Variants in ABCA10 observed in about 807,000 individuals in gnomAD.
ABCA10 encodes the protein ATP binding cassette subfamily A member 10.
ABCA10 carries 169 observed loss-of-function variants against 187.5 expected under a neutral mutation model. That is an observed-to-expected ratio of 0.90 (90% CI 0.80 to 1.02). The LOEUF is 1.02. Ranked by LOEUF, ABCA10 falls within the 50% of genes least tolerant of loss-of-function variation. ABCA10 has a pLI of 0.00. For missense variants in ABCA10, 1,727 were observed against 1,812.4 expected, an observed-to-expected ratio of 0.95 and a Z score of 0.86; for synonymous variants, 574 against 601.8, an observed-to-expected ratio of 0.95 and a Z score of 0.68.
intron 27 of ABCA10, among the ~76,000 whole-genome samples, chr17:69,157,264 G>A (rs575046662): frequency 1.3e-5 from 2 of 152,264 alleles, no homozygotes; most frequent in South Asian, 4.1e-4. Flanking sequence ...TTGTCCTAGA[G>A]TTATTCTTTA....
intron 11 of ABCA10, among the ~76,000 whole-genome samples, chr17:69,195,554 CTTTTT>C (rs59069489): frequency 3.9e-5 from 4 of 102,952 alleles, no homozygotes; most frequent in Admixed American, 3.4e-4. Flanking sequence ...TGAAGTTTTT[CTTTTT>C]TTTTTTTTTT....
chr17:69,241,406 C>A (rs1203063803), intron 1 of ABCA10, among the ~76,000 whole-genome samples: 1 of 152,202 alleles, frequency 6.6e-6, no homozygotes. Flanking sequence ...TTATTTTCAA[C>A]ACAGCAGCTA....
chr17:69,207,766 G>C (rs138700069), intron 9 of ABCA10, among the ~76,000 whole-genome samples: 1 of 152,290 alleles, frequency 6.6e-6, no homozygotes, highest in East Asian at 1.9e-4. Flanking sequence ...GGTGGAGAGA[G>C]AGCAGGGATT....
At chr17:69,191,442 T>C in intron 16 of ABCA10, 127 bp from the exon 17 acceptor site, 1 of 995,294 alleles carries the variant, frequency 1.0e-6, no homozygotes, top group Non-Finnish European at 1.3e-6. Context: ...TAGTAATTGG[T>C]TCCTGCAAAT....
chr17:69,239,292 C>T (rs1459941880), intron 1 of ABCA10, among the ~76,000 whole-genome samples: 1 of 152,108 alleles, frequency 6.6e-6, no homozygotes, highest in Non-Finnish European at 1.5e-5. Context: ...AAGACAGAGG[C>T]CTTATCCTTC....
chr17:69,224,149 T>C (rs1212155922), intron 3 of ABCA10, among the ~76,000 whole-genome samples: 1 of 152,068 alleles, frequency 6.6e-6, no homozygotes, highest in Non-Finnish European at 1.5e-5. Context: ...GGGATAACAA[T>C]ACCCATTCGA....
At chr17:69,170,235 C>A (rs1306551276) in intron 25 of ABCA10, among the ~76,000 whole-genome samples, 7 of 150,982 alleles carry the variant, frequency 4.6e-5, no homozygotes, top group African/African-American at 1.7e-4. Flanking sequence ...TTGCAGTGAG[C>A]CAAGATCGCC....
intron 25 of ABCA10, among the ~76,000 whole-genome samples, chr17:69,173,347 G>C (rs535642164): frequency 4.6e-5 from 7 of 152,252 alleles, no homozygotes; most frequent in African/African-American, 1.7e-4. Flanking sequence ...GGTTGTGTTT[G>C]TGATATTCCT....
chr17:69,241,619 T>C (rs1373150955), intron 1 of ABCA10, among the ~76,000 whole-genome samples: 1 of 152,212 alleles, frequency 6.6e-6, no homozygotes, highest in Non-Finnish European at 1.5e-5. Context: ...CTCAGGGCCT[T>C]TGTACTTGCA....
chr17:69,242,003 T>C (rs2074905602), intron 1 of ABCA10, among the ~76,000 whole-genome samples: 1 of 152,222 alleles, frequency 6.6e-6, no homozygotes, highest in Non-Finnish European at 1.5e-5. Flanking sequence ...GGATGCCTAC[T>C]TACTAAAGAA....
intron 3 of ABCA10, among the ~76,000 whole-genome samples, chr17:69,224,558 T>C (rs2074777674): frequency 6.6e-6 from 1 of 152,104 alleles, no homozygotes; most frequent in Non-Finnish European, 1.5e-5. Context: ...GGCAAAGGTC[T>C]CACATAGTAA....
chr17:69,153,441 G>A (rs1248928533), intron 33 of ABCA10, 30 bp downstream of exon 33: 2 of 1,613,920 alleles, frequency 1.2e-6, no homozygotes, highest in African/African-American at 2.7e-5. Context: ...AGCCATGGGT[G>A]CACAGGGAAA....
At chr17:69,182,327 TTATAG>T (rs1336786653) in intron 21 of ABCA10, 37 bp from the exon 22 acceptor site, 7 of 1,334,178 alleles carry the variant, frequency 5.2e-6, no homozygotes, top group Non-Finnish European at 6.9e-6. Flanking sequence ...TTATAAATTC[TTATAG>T]TAAATATATT....
At chr17:69,214,071 G>A (rs922406974) in intron 9 of ABCA10, among the ~76,000 whole-genome samples, 1 of 152,046 alleles carries the variant, frequency 6.6e-6, no homozygotes, top group African/African-American at 2.4e-5. Context: ...TTCAATTTAG[G>A]CACTAAAAAG....
rs751253062 is a variant in ABCA10, at chr17:69,155,883, C to CT, written c.3497dup (p.Pro1167AlafsTer6). ...GAACATCTTCATCTTCTTCTTCGGG[C>CT]TCTTCCGGATTGGGATGAGTTTCTC... On this transcript the variant is annotated frameshift_variant, in exon 29 of 39. Coordinates refer to ENST00000690296, the MANE Select transcript of ABCA10 (RefSeq NM_001377321.1). LOFTEE classifies it high-confidence loss of function. 8 of 1,613,720 alleles carry CT rather than the reference C, an allele frequency of 5.0e-6. No individual in the cohort carries two copies. The highest frequency in any genetic ancestry group is 6.8e-6 in the Non-Finnish European group (8 of 1,179,760).
At chr17:69,243,439 T>G (rs974369882) in intron 1 of ABCA10, among the ~76,000 whole-genome samples, 1 of 152,184 alleles carries the variant, frequency 6.6e-6, no homozygotes, top group Non-Finnish European at 1.5e-5. Flanking sequence ...TAGTAAATAT[T>G]TGTGTACATA....
At position 69,201,486 on chromosome 17, in the gene ABCA10, A is replaced by G; in HGVS notation, c.1175+14T>C. ...TACCTATAAGTGTACATAGTCATGT[A>G]ATTTCTTAGTTACCTTATGGCTTCT... On this transcript the variant is annotated intron_variant, in intron 10 of 38. Transcript: ENST00000690296. The G allele has an allele frequency of 6.4e-7, 1 of 1,558,028 alleles. No homozygotes were observed. Among genetic ancestry groups the G allele is most frequent in the Admixed American group, 2.1e-5 (1 of 48,320 alleles).
intron 3 of ABCA10, among the ~76,000 whole-genome samples, chr17:69,224,457 T>C (rs1489189671): frequency 2.0e-5 from 3 of 152,126 alleles, no homozygotes; most frequent in African/African-American, 7.2e-5. Flanking sequence ...ACTTTCCCTA[T>C]GCAGGAGCAA....
rs753462878 is a variant in ABCA10, at chr17:69,153,461, T to C, written c.4041+10A>G. On this transcript the variant is annotated intron_variant, in intron 33 of 38. Coordinates refer to ENST00000690296, the MANE Select transcript of ABCA10 (RefSeq NM_001377321.1). ...TGGGTGCACAGGGAAACCCCGAGCCTGGCCCATACCTTTCTCTTTATTCCC... is the reference window on the plus strand; with the variant it reads ...TGGGTGCACAGGGAAACCCCGAGCCCGGCCCATACCTTTCTCTTTATTCCC... 134 of 1,613,990 alleles carry C rather than the reference T, an allele frequency of 8.3e-5. 2 individuals are homozygous for C. The highest frequency in any genetic ancestry group is 1.8e-4 in the Admixed American group (11 of 59,980).
Sources: allele counts gnomAD v4.1 joint callset (sites outside exome capture counted in the v4.1 genomes callset), GRCh38; gene constraint gnomAD v4.1.1; transcripts MANE v1.5; gene names NCBI Gene and HGNC (gene_info 2026-07-23, HGNC 2026-07-21).